Variants in OTUD4 observed in about 807,000 individuals in gnomAD.
OTUD4 encodes the protein OTU domain-containing protein 4.
Under a neutral mutation model 130.4 loss-of-function variants are expected in OTUD4, and 24 were observed. The observed-to-expected ratio is 0.18, with a 90% CI of 0.13 to 0.26. The LOEUF (loss-of-function observed/expected upper bound fraction) is 0.26, where lower values mean the gene tolerates loss of function less well. OTUD4 is among the 10% of genes least tolerant of loss of function. The pLI is 1.00. For synonymous variants in OTUD4, 420 were observed against 472.5 expected (o/e 0.89, Z 1.44); for missense variants, 1,031 against 1,329.4 (o/e 0.78, Z 3.49).
At chr4:145,142,739 T>C (rs952609863) in intron 17 of OTUD4, among the ~76,000 whole-genome samples, 4 of 152,348 alleles carry the variant, frequency 2.6e-5, no homozygotes, top group South Asian at 2.1e-4. Flanking sequence ...AGCAAAATCA[T>C]TGAAATCTTG....
At chr4:145,141,761 G>GT (rs1750574314) in intron 18 of OTUD4, 122 bp from the exon 19 acceptor site, 1 of 831,562 alleles carries the variant, frequency 1.2e-6, no homozygotes, top group South Asian at 2.4e-5. Context: ...GTACCTTTTA[G>GT]TATCAACCAA....
intron 13 of OTUD4, among the ~76,000 whole-genome samples, chr4:145,149,836 G>T (rs1750985647): frequency 6.6e-6 from 1 of 152,156 alleles, no homozygotes; most frequent in Non-Finnish European, 1.5e-5. Context: ...AGACTCCACA[G>T]GAAACACGGT....
intron 13 of OTUD4, among the ~76,000 whole-genome samples, chr4:145,149,884 C>T (rs768971681): frequency 1.3e-5 from 2 of 152,188 alleles, no homozygotes; most frequent in Non-Finnish European, 2.9e-5. Flanking sequence ...ACATAAGACA[C>T]AGCCTCTCAA....
At chr4:145,146,862 A>C (rs1319016446) in intron 13 of OTUD4, among the ~76,000 whole-genome samples, 1 of 152,230 alleles carries the variant, frequency 6.6e-6, no homozygotes, top group Non-Finnish European at 1.5e-5. Context: ...TGTTCTAAGT[A>C]AAGGGGAATG....
chr4:145,174,134 G>A (rs1371528011), intron 2 of OTUD4, among the ~76,000 whole-genome samples: 4 of 151,902 alleles, frequency 2.6e-5, no homozygotes, highest in Non-Finnish European at 4.4e-5. Context: ...AGACTCAAGA[G>A]TAGCTGGGAC....
chr4:145,151,031 C>A, intron 11 of OTUD4, 126 bp from the exon 12 acceptor site: 1 of 526,724 alleles, frequency 1.9e-6, no homozygotes, highest in East Asian at 3.1e-5. Flanking sequence ...AAACAAATTA[C>A]AATTAAGGTA....
At chr4:145,153,951 G>A (rs1252823031) in intron 10 of OTUD4, among the ~76,000 whole-genome samples, 1 of 152,162 alleles carries the variant, frequency 6.6e-6, no homozygotes, top group East Asian at 1.9e-4. Flanking sequence ...TTAATGAGAT[G>A]TTATCCAAAA....
At chr4:145,152,951 T>C (rs909847381) in intron 10 of OTUD4, among the ~76,000 whole-genome samples, 69 of 151,804 alleles carry the variant, frequency 4.5e-4, no homozygotes, top group African/African-American at 1.5e-3. Context: ...GCCAGCCTGG[T>C]CTCAAACTCC....
chr4:145,144,098 A>G, intron 15 of OTUD4, 97 bp from the exon 16 acceptor site: 1 of 1,134,866 alleles, frequency 8.8e-7, no homozygotes, highest in Admixed American at 2.0e-5. Flanking sequence ...CAAAAGTATT[A>G]TTTGAACCAT....
At chr4:145,170,408 A>G (rs566491845) in intron 3 of OTUD4, among the ~76,000 whole-genome samples, 146 of 152,360 alleles carry the variant, frequency 9.6e-4, no homozygotes, top group African/African-American at 3.3e-3. Flanking sequence ...CACAGTTTTC[A>G]CTGCCTGGAA....
At position 145,165,208 on chromosome 4, in the gene OTUD4, GA is replaced by G. The variant is rs775401173; in HGVS notation, c.295-12del. ...TTGTCCTACCCATTCCTGTATTGAA[GA>G]AAAAAAGGTGGCATGTAAGTGTCTC... On this transcript the variant is annotated splice_polypyrimidine_tract_variant and intron_variant, in intron 3 of 20. Transcript: ENST00000447906. The G allele has an allele frequency of 1.2e-5, 20 of 1,600,960 alleles. No individual in the cohort carries two copies. Among genetic ancestry groups the G allele is most frequent in the South Asian group, 5.5e-5 (5 of 90,152 alleles).
At chr4:145,155,799 A>G in intron 8 of OTUD4, 113 bp from the exon 9 acceptor site, 1 of 991,598 alleles carries the variant, frequency 1.0e-6, no homozygotes, top group East Asian at 2.5e-5. Flanking sequence ...AAAATTAGGA[A>G]GCCACCAAAT....
chr4:145,161,437 C>T (rs771180994), intron 6 of OTUD4, among the ~76,000 whole-genome samples: 1 of 152,176 alleles, frequency 6.6e-6, no homozygotes, highest in Non-Finnish European at 1.5e-5. Flanking sequence ...CTGGTTACCA[C>T]TAGCTTAAGA....
intron 1 of OTUD4, among the ~76,000 whole-genome samples, chr4:145,175,191 T>G (rs1175647726): frequency 6.6e-6 from 1 of 152,236 alleles, no homozygotes; most frequent in East Asian, 1.9e-4. Context: ...GGCCGATTTA[T>G]TTTTCCCATT....
At chr4:145,170,947 T>G (rs1752132481) in intron 3 of OTUD4, 4 of 152,172 alleles carry the variant, frequency 2.6e-5, no homozygotes, top group Admixed American at 6.5e-5. Context: ...AGTGCTATCC[T>G]TTTCTGTCTC....
chr4:145,156,950 T>C (rs1396873357), intron 7 of OTUD4, among the ~76,000 whole-genome samples: 1 of 152,114 alleles, frequency 6.6e-6, no homozygotes, highest in East Asian at 1.9e-4. Flanking sequence ...CACCCAAGTA[T>C]ACAGAGGGCC....
At position 145,134,113 on chromosome 4, in the gene OTUD4, G is replaced by A. The variant is rs998631844; in HGVS notation, c.*3317C>T. 1 of 152,596 alleles carries A rather than the reference G, an allele frequency of 6.6e-6. No homozygotes were observed. The highest frequency in any genetic ancestry group is 1.5e-5 in the Non-Finnish European group (1 of 68,032). The allele number at this position is 152,596 out of a possible 1,614,324, so 9.5% of individuals were successfully genotyped here. A position where few individuals can be genotyped will look rare whatever the true frequency, so the allele number is the denominator to read the frequency against. ...GATTTTCTAAAACTTGTATTTCGGG[G>A]AGAAAGACCTCTTTTAAAAAATAAT... On this transcript the variant is annotated 3_prime_UTR_variant, in exon 21 of 21. Transcript: ENST00000447906.
At chr4:145,165,402 C>T (rs1751799985) in intron 3 of OTUD4, among the ~76,000 whole-genome samples, 1 of 151,734 alleles carries the variant, frequency 6.6e-6, no homozygotes, top group African/African-American at 2.4e-5. Context: ...CCCACACATA[C>T]ACAAAAAAAT....
rs151020153 is a variant in OTUD4, at chr4:145,142,319, C to T, written c.1699G>A (p.Val567Met). Residue 567 changes from valine to methionine, a missense_variant, in exon 18 of 21, where the codon GTG (valine) becomes ATG (methionine). Physicochemically the swap from Val to Met is conservative, Grantham distance 21. Around this residue, in one of 3 missense-constraint regions of OTUD4, gnomAD observed 900 missense variants for 1,095.9 expected, o/e 0.82. Transcript: ENST00000447906. ...AGGGGAGCTGGATTTGACAAAGACA[C>T]ATGTTCTGCTGGCTTCTTCAAGAAA... ...SPAEQKPAEH[V>M]SLSNPAPLLV... The T allele has an allele frequency of 3.4e-3, 5,535 of 1,613,878 alleles. 11 individuals are homozygous for T. Among genetic ancestry groups the T allele is most frequent in the Non-Finnish European group, 4.4e-3 (5,245 of 1,179,864 alleles).
Sources: gnomAD v4.1 joint callset for allele counts (sites outside exome capture counted in the v4.1 genomes callset) on GRCh38, gnomAD v4.1.1 for gene constraint, gnomAD v4.1.1 regional missense constraint, MANE v1.5 for transcripts, NCBI Gene and HGNC (gene_info 2026-07-23, HGNC 2026-07-21) for gene names.